The following PRKCE variants were observed in gnomAD, a reference collection of about 807,000 sequenced individuals.
The protein encoded by PRKCE is protein kinase C epsilon type.
A neutral mutation model predicts 85.4 loss-of-function variants in PRKCE; 16 were observed. That is an observed-to-expected ratio of 0.19 (90% CI 0.13 to 0.28). The LOEUF (loss-of-function observed/expected upper bound fraction) is 0.28, where lower values mean the gene tolerates loss of function less well. Ranked by LOEUF, PRKCE falls within the 10% of genes least tolerant of loss-of-function variation. The pLI, the probability that PRKCE is intolerant of heterozygous loss-of-function variation, is 1.00. For missense variants in PRKCE, 573 were observed against 975.2 expected (o/e 0.59, Z 5.49); for synonymous variants, 388 against 371.5 (o/e 1.04, Z -0.51).
At chr2:45,846,164 A>C (rs2105512082) in intron 2 of PRKCE, among the ~76,000 whole-genome samples, 1 of 152,326 alleles carries the variant, frequency 6.6e-6, no homozygotes, top group Middle Eastern at 3.4e-3. Context: ...TCAAAGCACA[A>C]TTAGCCCAGG....
intron 1 of PRKCE, among the ~76,000 whole-genome samples, chr2:45,734,482 T>A (rs1382784236): frequency 6.6e-6 from 1 of 151,618 alleles, no homozygotes; most frequent in Admixed American, 6.6e-5. Context: ...AACGGGGGGG[T>A]TGTCTGCGTT....
intron 10 of PRKCE, among the ~76,000 whole-genome samples, chr2:46,034,993 T>C (rs1452789217): frequency 6.6e-6 from 1 of 152,208 alleles, no homozygotes; most frequent in Non-Finnish European, 1.5e-5. Context: ...GGGCTACAAA[T>C]CTGGATTAGA....
chr2:45,856,069 AT>A, intron 2 of PRKCE, among the ~76,000 whole-genome samples: 1 of 152,130 alleles, frequency 6.6e-6, no homozygotes, highest in South Asian at 2.1e-4. Flanking sequence ...TTTTAAAAAA[AT>A]TTTTTTAAAA....
chr2:45,745,077 G>A lies in PRKCE; in HGVS notation c.348+92629G>A, dbSNP rs188991941. ...TTAGACAATTGCTTGGGGTGCTATG[G>A]GGAGGCAGGGAGTGAGGGGAGTTTG... is the stretch of plus-strand genomic sequence containing the variant. On this transcript the variant is annotated intron_variant, in intron 1 of 14. Coordinates refer to ENST00000306156, the MANE Select transcript of PRKCE (RefSeq NM_005400.3). Among the ~76,000 whole-genome samples the A allele has an allele frequency of 8.3e-4, 126 of 152,200 alleles. 1 individual carries two copies. The highest frequency in any genetic ancestry group is 1.5e-4 in the Non-Finnish European group (10 of 68,040).
intron 2 of PRKCE, among the ~76,000 whole-genome samples, chr2:45,930,950 T>C (rs1337765294): frequency 6.6e-6 from 1 of 152,236 alleles, no homozygotes; most frequent in Non-Finnish European, 1.5e-5. Flanking sequence ...CTTACCCTAA[T>C]GGCGTGCTGC....
chr2:46,126,766 A>C (rs553943944), intron 11 of PRKCE, among the ~76,000 whole-genome samples: 3 of 152,188 alleles, frequency 2.0e-5, no homozygotes, highest in East Asian at 3.9e-4. Flanking sequence ...GAGCAGTCCC[A>C]TGGGAGGGTG....
chr2:45,771,939 C>T (rs978482662), intron 1 of PRKCE, among the ~76,000 whole-genome samples: 1 of 152,078 alleles, frequency 6.6e-6, no homozygotes, highest in Admixed American at 6.6e-5. Context: ...TGCCATGGGG[C>T]CCAAACCACA....
intron 2 of PRKCE, among the ~76,000 whole-genome samples, chr2:45,849,329 C>T (rs939910805): frequency 5.9e-5 from 9 of 152,142 alleles, no homozygotes; most frequent in Admixed American, 5.2e-4. Flanking sequence ...AAGATCAAGC[C>T]CAGGTACAGG....
Position 45,711,342 on chromosome 2 carries a change from C to T in PRKCE, c.348+58894C>T, listed in dbSNP as rs558804522. Among the ~76,000 whole-genome samples the T allele has an allele frequency of 1.7e-4, 26 of 152,280 alleles. No homozygotes were observed. The Middle Eastern group carries it at 0.014, about 80-fold the overall frequency. ...AGATCATGGACATCATGACCAAGAG[C>T]GAGGACTCAGGCCAGACTGCCTGGC... On this transcript the variant is annotated intron_variant, in intron 1 of 14. Transcript: ENST00000306156.
rs1675945304 is a variant in PRKCE, at chr2:46,145,191, C to A, written c.1691C>A (p.Thr564Asn). The change falls in exon 12 of 15, where the codon ACC becomes AAC. Residue 564 changes from threonine to asparagine, a missense_variant. Around this residue, in one of 11 missense-constraint regions of PRKCE, gnomAD observed 15 missense variants for 42.2 expected, o/e 0.36. Transcript: ENST00000306156. The surrounding 1 kb of genome is among the most constrained non-coding windows in gnomAD (Gnocchi z 4.6). ...GAAGGGATTCTGAATGGTGTGACGA[C>A]CACCACGTTCTGTGGGACTCCTGAC... ...CKEGILNGVTTTTFCGTPDYI... is the reference protein window; with the variant it reads ...CKEGILNGVTNTTFCGTPDYI... The A allele has an allele frequency of 6.3e-7, 1 of 1,599,570 alleles. No individual in the cohort carries two copies. Among genetic ancestry groups the A allele is most frequent in the Non-Finnish European group, 8.5e-7 (1 of 1,179,962 alleles).
intron 1 of PRKCE, among the ~76,000 whole-genome samples, chr2:45,744,469 C>CTCTTTCTTTCT (rs1553397672): frequency 0.013 from 676 of 50,750 alleles, 13 homozygotes; most frequent in Middle Eastern, 0.044. Context: ...TTCTTTCTTT[C>CTCTTTCTTTCT]TTTCTTTCTT....
chr2:45,966,635 C>G (rs1192209414), intron 2 of PRKCE, among the ~76,000 whole-genome samples: 1 of 152,206 alleles, frequency 6.6e-6, no homozygotes, highest in Non-Finnish European at 1.5e-5. Flanking sequence ...ACCCCAACCC[C>G]AGGGTTTTCC....
At chr2:45,941,358 G>A (rs544333351) in intron 2 of PRKCE, among the ~76,000 whole-genome samples, 1 of 152,204 alleles carries the variant, frequency 6.6e-6, no homozygotes, top group African/African-American at 2.4e-5. Context: ...GGACATCATT[G>A]GTATATTCAT....
chr2:46,048,439 A>G lies in PRKCE; in HGVS notation c.1438-37769A>G, dbSNP rs115318376. On this transcript the variant is annotated intron_variant, in intron 10 of 14. Coordinates refer to ENST00000306156, the MANE Select transcript of PRKCE (RefSeq NM_005400.3). ...CATGTCCAGAGATTCTTTACAGCCA[A>G]CAGGGATCCATATGGGGTTCACTGG... is the stretch of plus-strand genomic sequence containing the variant. Among the ~76,000 whole-genome samples the G allele has an allele frequency of 4.2e-3, 641 of 152,268 alleles. 7 individuals are homozygous for G. The highest frequency in any genetic ancestry group is 0.015 in the African/African-American group (613 of 41,554).
At chr2:45,719,989 T>C (rs1229305573) in intron 1 of PRKCE, among the ~76,000 whole-genome samples, 1 of 152,114 alleles carries the variant, frequency 6.6e-6, no homozygotes, top group South Asian at 2.1e-4. Context: ...AGACTGTTAG[T>C]AGGGAGTTCA....
intron 2 of PRKCE, among the ~76,000 whole-genome samples, chr2:45,898,316 A>G (rs573175233): frequency 1.3e-5 from 2 of 152,330 alleles, no homozygotes; most frequent in South Asian, 4.1e-4. Flanking sequence ...AGCCACAAAC[A>G]CATGAAATTA....
At chr2:46,168,370 G>T (rs1220762097) in intron 14 of PRKCE, among the ~76,000 whole-genome samples, 1 of 152,192 alleles carries the variant, frequency 6.6e-6, no homozygotes, top group Non-Finnish European at 1.5e-5. Context: ...GATCAAACCA[G>T]AGGACAGCAG....
At chr2:45,881,163 A>AG (rs532290363) in intron 2 of PRKCE, among the ~76,000 whole-genome samples, 1 of 151,958 alleles carries the variant, frequency 6.6e-6, no homozygotes, top group Non-Finnish European at 1.5e-5. Flanking sequence ...AAAAAAAAAA[A>AG]AAAAAAAAGA....
At position 46,132,646 on chromosome 2, in the gene PRKCE, A is replaced by T. The variant is rs554718391; in HGVS notation, c.1593-12447A>T. Among the ~76,000 whole-genome samples, 52 of 152,296 alleles carry T rather than the reference A, an allele frequency of 3.4e-4. 1 individual carries two copies. Among genetic ancestry groups the T allele is most frequent in the African/African-American group, 1.3e-3 (52 of 41,570 alleles). Reference sequence around the variant, plus strand: ...CATCAAACCACAGGTCTAGGCCCATAACAGGGCATAAGCACAGCCCTGTAC... The same window carrying T: ...CATCAAACCACAGGTCTAGGCCCATTACAGGGCATAAGCACAGCCCTGTAC... On this transcript the variant is annotated intron_variant, in intron 11 of 14. Transcript: ENST00000306156.
Sources: gnomAD v4.1 joint callset for allele counts (sites outside exome capture counted in the v4.1 genomes callset) on GRCh38, gnomAD v4.1.1 for gene constraint, gnomAD v4.1.1 regional missense constraint, Gnocchi (gnomAD v3.1) non-coding constraint, MANE v1.5 for transcripts, NCBI Gene and HGNC (gene_info 2026-07-23, HGNC 2026-07-21) for gene names.